The following MYO6 variants were observed in gnomAD, a reference collection of about 807,000 sequenced individuals.
MYO6 encodes the protein unconventional myosin-VI.
Under a neutral mutation model 178.7 loss-of-function variants are expected in MYO6, and 74 were observed. The ratio of observed to expected loss-of-function variants is 0.41; its 90% CI spans 0.34 to 0.50. MYO6 has a LOEUF of 0.50. Among genes scored for constraint, MYO6 ranks in the 20% least tolerant of loss-of-function variants. The pLI is 0.09. For synonymous variants in MYO6, 477 were observed against 504.6 expected (o/e 0.95, Z 0.73); for missense variants, 1,330 against 1,547.4 (o/e 0.86, Z 2.36).
intron 3 of MYO6, among the ~76,000 whole-genome samples, chr6:75,828,079 A>T (rs1046103027): frequency 6.6e-6 from 1 of 152,182 alleles, no homozygotes; most frequent in African/African-American, 2.4e-5. Flanking sequence ...AGTCTTCATT[A>T]TGTCAGTTGT....
At chr6:75,777,676 G>C (rs778400831) in intron 1 of MYO6, among the ~76,000 whole-genome samples, 14 of 151,986 alleles carry the variant, frequency 9.2e-5, no homozygotes, top group Non-Finnish European at 1.8e-4. Flanking sequence ...GGCTCAATCT[G>C]TCTGCCCCCT....
intron 11 of MYO6, among the ~76,000 whole-genome samples, chr6:75,849,911 G>A (rs566424217): frequency 6.6e-6 from 1 of 152,258 alleles, no homozygotes; most frequent in South Asian, 2.1e-4. Context: ...TTTACAAGGA[G>A]TTGGAATTAG....
intron 6 of MYO6, among the ~76,000 whole-genome samples, chr6:75,833,788 A>G (rs971579457): frequency 3.3e-5 from 5 of 152,226 alleles, no homozygotes; most frequent in African/African-American, 1.2e-4. Context: ...GGCTATTGTC[A>G]ATAGTGCTGT....
At chr6:75,842,272 GT>G (rs1255707921) in intron 9 of MYO6, among the ~76,000 whole-genome samples, 5 of 152,096 alleles carry the variant, frequency 3.3e-5, no homozygotes, top group Non-Finnish European at 7.4e-5. Context: ...ACTGGGGATG[GT>G]TTGGTTAACA....
At position 75,824,269 on chromosome 6, in the gene MYO6, G is replaced by A. The variant is rs968763405; in HGVS notation, c.187+1418G>A. 2.0e-5 allele frequency among the ~76,000 whole-genome samples: 3 copies of A among 152,294 alleles called. No individual in the cohort carries two copies. In the South Asian group the frequency reaches 6.2e-4, roughly 32 times the overall value. On this transcript the variant is annotated intron_variant, in intron 3 of 34. Transcript: ENST00000369977. The stretch of plus-strand genomic sequence containing the variant: ...AATTTTTGCAACCTCAGTATTTGCT[G>A]CCTCTGGCAGGTGGTTTCCTTGGTG...
intron 4 of MYO6, among the ~76,000 whole-genome samples, chr6:75,829,097 C>T (rs1772801203): frequency 6.6e-6 from 1 of 152,010 alleles, no homozygotes; most frequent in Non-Finnish European, 1.5e-5. Flanking sequence ...TGAGGAAATA[C>T]TAAGAACACA....
At chr6:75,885,908 T>G in intron 23 of MYO6, 96 bp from the exon 24 acceptor site, 1 of 745,196 alleles carries the variant, frequency 1.3e-6, no homozygotes, top group Non-Finnish European at 2.3e-6. Context: ...AGATTTCATG[T>G]TTCTTGAGCA....
In MYO6 at chr6:75,779,264, C is replaced by T. The variant is rs12664721; in HGVS notation, c.-48+29841C>T. Among the ~76,000 whole-genome samples, 1,906 of 151,946 alleles carry T rather than the reference C, an allele frequency of 0.013. 64 individuals carry two copies. The East Asian group carries it at 0.13, about 11-fold the overall frequency. ...CACCTATAATCCTAGCACTTTGGGA[C>T]GCCGAGGTGGTCAGATTACCTGAGG... is the stretch of plus-strand genomic sequence containing the variant. On this transcript the variant is annotated intron_variant, in intron 1 of 34. Transcript: ENST00000369977.
At chr6:75,887,024 C>G (rs779400965) in intron 25 of MYO6, 30 bp downstream of exon 25, 1 of 1,588,464 alleles carries the variant, frequency 6.3e-7, no homozygotes, top group Admixed American at 1.7e-5. Context: ...ATGACTTTGA[C>G]TTTTTATGTA....
At chr6:75,773,773 A>T (rs1475654282) in intron 1 of MYO6, among the ~76,000 whole-genome samples, 1 of 152,246 alleles carries the variant, frequency 6.6e-6, no homozygotes, top group African/African-American at 2.4e-5. Context: ...GTGGCAAAAC[A>T]TTAGGATGGG....
At chr6:75,795,153 A>C (rs1210703795) in intron 1 of MYO6, among the ~76,000 whole-genome samples, 1 of 152,202 alleles carries the variant, frequency 6.6e-6, no homozygotes, top group Non-Finnish European at 1.5e-5. Flanking sequence ...TAAAGTTGTT[A>C]GTGTAAAGAC....
At chr6:75,784,776 CA>C (rs754218278) in intron 1 of MYO6, among the ~76,000 whole-genome samples, 191 of 54,376 alleles carry the variant, frequency 3.5e-3, no homozygotes, top group Non-Finnish European at 4.4e-3. Flanking sequence ...GACTCCGTCT[CA>C]AAAAAAAAAA....
intron 4 of MYO6, among the ~76,000 whole-genome samples, chr6:75,829,818 TGTTCTAGGCAATG>T (rs1274423918): frequency 6.6e-6 from 1 of 152,184 alleles, no homozygotes; most frequent in African/African-American, 2.4e-5. Flanking sequence ...AACCCATAAA[TGTTCTAGGCAATG>T]GTTAACATAT....
chr6:75,896,889 GA>G (rs1236897462), intron 29 of MYO6, among the ~76,000 whole-genome samples: 10 of 152,230 alleles, frequency 6.6e-5, no homozygotes, highest in Non-Finnish European at 4.4e-5. Context: ...TGTCTAAGGT[GA>G]AATTATATTT....
intron 3 of MYO6, among the ~76,000 whole-genome samples, chr6:75,828,225 G>T (rs891024331): frequency 6.6e-6 from 1 of 152,094 alleles, no homozygotes; most frequent in Non-Finnish European, 1.5e-5. Context: ...TAAAATCAGA[G>T]CTATCTATTG....
At chr6:75,839,734 A>G (rs930077047) in intron 7 of MYO6, among the ~76,000 whole-genome samples, 1 of 152,186 alleles carries the variant, frequency 6.6e-6, no homozygotes, top group Non-Finnish European at 1.5e-5. Context: ...GGATTTTAAA[A>G]CCCATTATTC....
chr6:75,787,726 CTCTCTATATATATATATATA>C (rs1767780309), intron 1 of MYO6, among the ~76,000 whole-genome samples: 2 of 20,460 alleles, frequency 9.8e-5, no homozygotes, highest in Non-Finnish European at 8.8e-5. Context: ...CTCTCTCTCT[CTCTCTATATATATATATATA>C]TATATATATA....
At chr6:75,856,559 T>G (rs1485068922) in intron 12 of MYO6, among the ~76,000 whole-genome samples, 1 of 151,966 alleles carries the variant, frequency 6.6e-6, no homozygotes, top group East Asian at 1.9e-4. Flanking sequence ...GTTTGGAAAT[T>G]CTCTTCTGTG....
chr6:75,862,229 A>G (rs1776268779), intron 15 of MYO6, among the ~76,000 whole-genome samples: 1 of 152,242 alleles, frequency 6.6e-6, no homozygotes, highest in Non-Finnish European at 1.5e-5. Flanking sequence ...TTAAAAAGCT[A>G]TGCATGTAGA....
Sources: gnomAD v4.1 joint callset for allele counts (sites outside exome capture counted in the v4.1 genomes callset) on GRCh38, gnomAD v4.1.1 for gene constraint, MANE v1.5 for transcripts, NCBI Gene and HGNC (gene_info 2026-07-23, HGNC 2026-07-21) for gene names.